MAPK14: variants seen among roughly 807,000 people sequenced by gnomAD.
The protein encoded by MAPK14 is CSAID-binding protein.
Under a neutral mutation model 49.6 loss-of-function variants are expected in MAPK14, and 16 were observed. The ratio of observed to expected loss-of-function variants is 0.32; its 90% CI spans 0.22 to 0.49. The LOEUF is 0.49. Ranked by LOEUF, MAPK14 falls within the 20% of genes least tolerant of loss-of-function variation. MAPK14 has a pLI of 0.99. For synonymous variants in MAPK14, 142 were observed against 158.0 expected (o/e 0.90, Z 0.76); for missense variants, 200 against 441.2 (o/e 0.45, Z 4.90).
At chr6:36,054,355 G>T (rs563868937) in intron 2 of MAPK14, among the ~76,000 whole-genome samples, 1 of 152,186 alleles carries the variant, frequency 6.6e-6, no homozygotes, top group South Asian at 2.1e-4. Flanking sequence ...AAGAACATCT[G>T]GTTTAGGAGA....
intron 10 of MAPK14, among the ~76,000 whole-genome samples, chr6:36,105,040 T>C (rs1315792060): frequency 6.6e-6 from 1 of 152,172 alleles, no homozygotes; most frequent in Non-Finnish European, 1.5e-5. Context: ...TGTCATATAA[T>C]GAGGCTCCCC....
At chr6:36,062,404 AC>A (rs1763857324) in intron 3 of MAPK14, among the ~76,000 whole-genome samples, 1 of 152,214 alleles carries the variant, frequency 6.6e-6, no homozygotes, top group South Asian at 2.1e-4. Context: ...GTTCAGTGTT[AC>A]ACAATTGGGA....
At chr6:36,112,355 T>A (rs889069800), downstream of MAPK14, among the ~76,000 whole-genome samples, 6 of 152,116 alleles carry the variant, frequency 3.9e-5, no homozygotes, top group African/African-American at 1.4e-4. Flanking sequence ...TCCCCTGAAG[T>A]GAATCCACTT....
chr6:36,121,599 C>T, the MAPK14 span, among the ~76,000 whole-genome samples: 6 of 152,220 alleles, frequency 3.9e-5, no homozygotes, highest in African/African-American at 1.4e-4. Flanking sequence ...GCCCCTTACT[C>T]ATCCCTGTTG....
At chr6:36,094,794 A>G (rs1343388192) in intron 8 of MAPK14, among the ~76,000 whole-genome samples, 1 of 152,180 alleles carries the variant, frequency 6.6e-6, no homozygotes, top group East Asian at 1.9e-4. Context: ...CAGTAAGCAA[A>G]TAAAGTAATT....
At position 36,028,286 on chromosome 6, in the gene MAPK14, G is replaced by C; in HGVS notation, c.116+13G>C. 6.3e-7 allele frequency: 1 copy of C among 1,595,788 alleles called. No individual in the cohort carries two copies. Among genetic ancestry groups the C allele is most frequent in the Non-Finnish European group, 8.6e-7 (1 of 1,164,028 alleles). On this transcript the variant is annotated intron_variant, in intron 1 of 11. Transcript: ENST00000229794. The surrounding 1 kb of genome is among the most constrained non-coding windows in gnomAD (Gnocchi z 5.1). ...ATGGCTCTGTGTGGTGAGTGTCGCT[G>C]GGCCTGGGGCCGCTGTGGGCAGGGT... is the stretch of plus-strand genomic sequence containing the variant.
At chr6:36,056,913 A>C (rs1240503054) in intron 2 of MAPK14, among the ~76,000 whole-genome samples, 1 of 152,164 alleles carries the variant, frequency 6.6e-6, no homozygotes, top group Non-Finnish European at 1.5e-5. Flanking sequence ...TTAAGCCAGG[A>C]GTATACCAAA....
chr6:36,064,920 TC>T (rs1763984655), intron 3 of MAPK14, among the ~76,000 whole-genome samples: 1 of 152,222 alleles, frequency 6.6e-6, no homozygotes, highest in African/African-American at 2.4e-5. Context: ...CCTCACCTAG[TC>T]CTCTTTCCAC....
At chr6:36,079,044 A>T (rs560512387) in intron 8 of MAPK14, among the ~76,000 whole-genome samples, 1 of 152,252 alleles carries the variant, frequency 6.6e-6, no homozygotes, top group Admixed American at 6.5e-5. Context: ...GAGTACAACT[A>T]GAGTTTAACC....
intron 6 of MAPK14, among the ~76,000 whole-genome samples, chr6:36,075,388 T>A (rs1294801652): frequency 6.6e-6 from 1 of 152,196 alleles, no homozygotes; most frequent in Non-Finnish European, 1.5e-5. Flanking sequence ...ATATAGTGTG[T>A]ATTTTTGTGT....
chr6:36,073,338 G>A (rs189052802), intron 4 of MAPK14, among the ~76,000 whole-genome samples: 132 of 152,284 alleles, frequency 8.7e-4, no homozygotes, highest in Admixed American at 4.1e-3. Context: ...TCTGGTCAGC[G>A]TAATGTTGAG....
rs567858137 is a variant in MAPK14, at chr6:36,102,419, A to G, written c.763-152A>G. 190 of 517,514 alleles carry G rather than the reference A, an allele frequency of 3.7e-4. 11 individuals are homozygous for G. The highest frequency in any genetic ancestry group is 1.3e-3 in the Middle Eastern group (3 of 2,322). The allele number at this position is 517,514 out of a possible 1,614,324, so 32.1% of individuals were successfully genotyped here. On this transcript the variant is annotated intron_variant, in intron 9 of 11. Transcript: ENST00000229794. Reference sequence around the variant, plus strand: ...TCATAACTAGGGAAGTTAGGATGGCAGTAAGGGAGAAGTTCTATCAAAGAC... The same window carrying G: ...TCATAACTAGGGAAGTTAGGATGGCGGTAAGGGAGAAGTTCTATCAAAGAC...
the MAPK14 span, among the ~76,000 whole-genome samples, chr6:36,122,256 C>G: frequency 6.6e-6 from 1 of 152,244 alleles, no homozygotes; most frequent in South Asian, 2.1e-4. Context: ...CTGCCCTGGA[C>G]AGGCAGGTTG....
intron 6 of MAPK14, among the ~76,000 whole-genome samples, chr6:36,075,014 C>G (rs1764466429): frequency 6.6e-6 from 1 of 151,668 alleles, no homozygotes; most frequent in African/African-American, 2.4e-5. Flanking sequence ...ATTATGAGGT[C>G]AGGAGATAGA....
At chr6:36,095,633 G>A (rs1036892265) in intron 8 of MAPK14, among the ~76,000 whole-genome samples, 1 of 152,240 alleles carries the variant, frequency 6.6e-6, no homozygotes, top group African/African-American at 2.4e-5. Flanking sequence ...CAGATGAAGA[G>A]GGCAGTGTAA....
At chr6:36,030,167 A>G (rs531625833) in intron 1 of MAPK14, among the ~76,000 whole-genome samples, 36 of 152,258 alleles carry the variant, frequency 2.4e-4, no homozygotes, top group African/African-American at 7.9e-4. Flanking sequence ...GTGAACTCCA[A>G]TTGAATTGCT....
chr6:36,076,667 G>A, intron 8 of MAPK14, 59 bp downstream of exon 8: 1 of 1,289,328 alleles, frequency 7.8e-7, no homozygotes, highest in Non-Finnish European at 1.1e-6. Context: ...GTCCATGGGT[G>A]TATACTCCTT....
chr6:36,087,031 C>T (rs1765013359), intron 8 of MAPK14, among the ~76,000 whole-genome samples: 7 of 152,160 alleles, frequency 4.6e-5, no homozygotes, highest in Admixed American at 1.3e-4. Context: ...ATAAACAGAA[C>T]TAAAGGCAAA....
At chr6:36,056,646 T>C (rs1009602404) in intron 2 of MAPK14, among the ~76,000 whole-genome samples, 2 of 152,250 alleles carry the variant, frequency 1.3e-5, no homozygotes, top group African/African-American at 2.4e-5. Context: ...TCTTTTGAGG[T>C]AACTCTTGCA....
Sources: gnomAD v4.1 joint callset for allele counts (sites outside exome capture counted in the v4.1 genomes callset) on GRCh38, gnomAD v4.1.1 for gene constraint, Gnocchi (gnomAD v3.1) non-coding constraint, MANE v1.5 for transcripts, NCBI Gene and HGNC (gene_info 2026-07-23, HGNC 2026-07-21) for gene names.